The following TAFA1 variants were observed in gnomAD, a reference collection of about 807,000 sequenced individuals.
The protein encoded by TAFA1 is chemokine-like protein TAFA-1.
Under a neutral mutation model 18.5 loss-of-function variants are expected in TAFA1, and 4 were observed. The observed-to-expected ratio is 0.22, with a 90% confidence interval of 0.11 to 0.49. The LOEUF is 0.49. TAFA1 is among the 20% of genes least tolerant of loss of function. TAFA1 has a pLI of 0.98. For missense variants in TAFA1, 147 were observed against 169.0 expected (o/e 0.87, Z 0.72); for synonymous variants, 56 against 55.2 (o/e 1.01, Z -0.06).
intron 2 of TAFA1, among the ~76,000 whole-genome samples, chr3:68,095,355 A>AT (rs1318751087): frequency 1.3e-5 from 2 of 152,140 alleles, no homozygotes; most frequent in Non-Finnish European, 2.9e-5. Context: ...ATTTGGAAAT[A>AT]TTTTTGCAAA....
chr3:68,094,440 T>G (rs1237884636), intron 2 of TAFA1, among the ~76,000 whole-genome samples: 2 of 152,194 alleles, frequency 1.3e-5, no homozygotes, highest in African/African-American at 4.8e-5. Context: ...CAGTAGGGAC[T>G]TGTAACTATC....
chr3:68,278,974 G>A (rs1014951836), intron 2 of TAFA1, among the ~76,000 whole-genome samples: 7 of 152,136 alleles, frequency 4.6e-5, no homozygotes, highest in Non-Finnish European at 1.0e-4. Context: ...TTTTCATTCA[G>A]TAGGTCTGCT....
intron 3 of TAFA1, among the ~76,000 whole-genome samples, chr3:68,446,046 C>T (rs1221106217): frequency 6.6e-6 from 1 of 152,144 alleles, no homozygotes; most frequent in East Asian, 1.9e-4. Context: ...GGACCACAGA[C>T]ACATACCACT....
intron 3 of TAFA1, among the ~76,000 whole-genome samples, chr3:68,532,942 A>C (rs1370551343): frequency 3.3e-5 from 5 of 151,344 alleles, no homozygotes; most frequent in African/African-American, 1.2e-4. Flanking sequence ...ATCAATTTGG[A>C]GGTTTATTTT....
rs752519629 is a variant in TAFA1, at chr3:68,544,476, T to C, written c.385-10T>C. 1.2e-6 allele frequency: 2 copies of C among 1,612,382 alleles called. No individual in the cohort carries two copies. The highest frequency in any genetic ancestry group is 2.2e-5 in the South Asian group (2 of 90,956). The stretch of plus-strand genomic sequence containing the variant: ...TTCTCCCTGAAATGTCTGTCTTTCT[T>C]TGGTTTCAGATTCACCCAAGAACCT... On this transcript the variant is annotated splice_polypyrimidine_tract_variant and intron_variant, in intron 4 of 4. Transcript: ENST00000478136.
At chr3:68,268,577 G>A (rs988261780) in intron 2 of TAFA1, among the ~76,000 whole-genome samples, 2 of 152,146 alleles carry the variant, frequency 1.3e-5, no homozygotes, top group African/African-American at 4.8e-5. Context: ...AAAGGTGAAA[G>A]GGATAGCAAA....
intron 2 of TAFA1, among the ~76,000 whole-genome samples, chr3:68,064,238 C>T (rs183170530): frequency 5.9e-5 from 9 of 151,898 alleles, no homozygotes; most frequent in Non-Finnish European, 1.2e-4. Flanking sequence ...ACATTTTCTC[C>T]GAAAAAAGAA....
At chr3:68,219,624 C>T (rs1285246381) in intron 2 of TAFA1, among the ~76,000 whole-genome samples, 1 of 152,046 alleles carries the variant, frequency 6.6e-6, no homozygotes, top group Non-Finnish European at 1.5e-5. Flanking sequence ...TTCTTCCAGG[C>T]CTTCCAGAGA....
At chr3:68,517,603 A>G (rs895359858) in intron 3 of TAFA1, among the ~76,000 whole-genome samples, 8 of 152,186 alleles carry the variant, frequency 5.3e-5, no homozygotes, top group African/African-American at 1.9e-4. Context: ...TGTACTGAAG[A>G]AAATATTTGA....
At chr3:68,280,644 G>A (rs755743363) in intron 2 of TAFA1, among the ~76,000 whole-genome samples, 2 of 151,850 alleles carry the variant, frequency 1.3e-5, no homozygotes, top group Non-Finnish European at 2.9e-5. Flanking sequence ...CTGCACAGTG[G>A]GATGATTAGA....
chr3:68,291,910 A>G (rs558701556), intron 2 of TAFA1, among the ~76,000 whole-genome samples: 6 of 152,312 alleles, frequency 3.9e-5, no homozygotes, highest in African/African-American at 1.4e-4. Flanking sequence ...GTGGGAGATA[A>G]TACAGTATAA....
At chr3:68,443,473 C>CAAAAAAAAAAAAAAAAAAAAAAAA (rs56944130) in intron 3 of TAFA1, among the ~76,000 whole-genome samples, 1 of 96,102 alleles carries the variant, frequency 1.0e-5, no homozygotes, top group African/African-American at 3.8e-5. Context: ...GGGCAATTTA[C>CAAAAAAAAAAAAAAAAAAAAAAAA]AAAAAAAAAA....
At chr3:68,054,843 A>T (rs1316278106) in intron 2 of TAFA1, among the ~76,000 whole-genome samples, 1 of 152,226 alleles carries the variant, frequency 6.6e-6, no homozygotes, top group African/African-American at 2.4e-5. Context: ...CATTTGCCAG[A>T]CACTATTTTA....
At chr3:68,463,404 A>C (rs2106928692) in intron 3 of TAFA1, among the ~76,000 whole-genome samples, 1 of 152,280 alleles carries the variant, frequency 6.6e-6, no homozygotes, top group East Asian at 1.9e-4. Context: ...GTCACTTATA[A>C]GGTTTTCATC....
chr3:68,193,422 C>T (rs1186419763), intron 2 of TAFA1, among the ~76,000 whole-genome samples: 2 of 151,742 alleles, frequency 1.3e-5, no homozygotes, highest in African/African-American at 4.8e-5. Flanking sequence ...TAATACTTAT[C>T]TAAAGCAACT....
intron 2 of TAFA1, among the ~76,000 whole-genome samples, chr3:68,237,001 A>G (rs1287718613): frequency 1.3e-5 from 2 of 152,248 alleles, no homozygotes; most frequent in Non-Finnish European, 2.9e-5. Flanking sequence ...AAACACTAAG[A>G]CATTGAATAA....
rs79743853 is a variant in TAFA1, at chr3:68,217,114, A to G, written c.119-200166A>G. Among the ~76,000 whole-genome samples, 684 of 152,194 alleles carry G rather than the reference A, an allele frequency of 4.5e-3. 5 individuals are homozygous for G. Among genetic ancestry groups the G allele is most frequent in the African/African-American group, 0.016 (659 of 41,542 alleles). On this transcript the variant is annotated intron_variant, in intron 2 of 4. Coordinates refer to ENST00000478136, the MANE Select transcript of TAFA1 (RefSeq NM_213609.4). ...GGGGAAGAATAACTTTCCAATAGAG[A>G]AACCTGGCAAAGATTACCACAGCCA... is the stretch of plus-strand genomic sequence containing the variant.
At chr3:68,490,378 T>C (rs1187251955) in intron 3 of TAFA1, among the ~76,000 whole-genome samples, 1 of 151,302 alleles carries the variant, frequency 6.6e-6, no homozygotes, top group Non-Finnish European at 1.5e-5. Flanking sequence ...AAGAAACTAC[T>C]ATATTTTGAG....
intron 2 of TAFA1, among the ~76,000 whole-genome samples, chr3:68,160,007 G>C (rs909583123): frequency 1.3e-5 from 2 of 152,164 alleles, no homozygotes; most frequent in Non-Finnish European, 2.9e-5. Flanking sequence ...ATTGGACTCT[G>C]CAAGCATCAA....
Sources: gnomAD v4.1 joint callset for allele counts (sites outside exome capture counted in the v4.1 genomes callset) on GRCh38, gnomAD v4.1.1 for gene constraint, MANE v1.5 for transcripts, NCBI Gene and HGNC (gene_info 2026-07-23, HGNC 2026-07-21) for gene names.